The following RASAL2 variants were observed in gnomAD, a reference collection of about 807,000 sequenced individuals.
RASAL2 encodes the protein RAS protein activator like 2.
RASAL2 carries 58 observed loss-of-function variants against 128.9 expected under a neutral mutation model. The observed-to-expected ratio is 0.45, with a 90% CI of 0.36 to 0.56. RASAL2 has a LOEUF of 0.56. RASAL2 is among the 20% of genes least tolerant of loss of function. RASAL2 has a pLI of 0.00. For missense variants in RASAL2, 1,360 were observed against 1,601.6 expected, an observed-to-expected ratio of 0.85 and a Z score of 2.57; for synonymous variants, 561 against 580.8, an observed-to-expected ratio of 0.97 and a Z score of 0.49.
intron 1 of RASAL2, among the ~76,000 whole-genome samples, chr1:178,120,542 G>A (rs967430105): frequency 6.6e-6 from 1 of 152,162 alleles, no homozygotes; most frequent in Non-Finnish European, 1.5e-5. Flanking sequence ...AGATGCGGCT[G>A]TACCATTGAT....
At chr1:178,321,183 C>T (rs1048182894) in intron 3 of RASAL2, among the ~76,000 whole-genome samples, 1 of 151,870 alleles carries the variant, frequency 6.6e-6, no homozygotes, top group Admixed American at 6.6e-5. Flanking sequence ...TCCCGGGTTC[C>T]ATCGATTCTC....
chr1:178,449,873 GT>G (rs1434971591), intron 9 of RASAL2, among the ~76,000 whole-genome samples: 3 of 152,014 alleles, frequency 2.0e-5, no homozygotes, highest in African/African-American at 7.2e-5. Context: ...TAATATTCAT[GT>G]TTTTTATTAA....
intron 1 of RASAL2, among the ~76,000 whole-genome samples, chr1:178,129,777 G>A (rs908133270): frequency 4.6e-5 from 7 of 151,978 alleles, no homozygotes; most frequent in African/African-American, 9.7e-5. Context: ...GAGCCCATAA[G>A]ATTATTTTTT....
At chr1:178,286,739 GT>G in intron 2 of RASAL2, among the ~76,000 whole-genome samples, 1 of 152,160 alleles carries the variant, frequency 6.6e-6, no homozygotes, top group South Asian at 2.1e-4. Context: ...CTTCCTCGTC[GT>G]TTTTTGTTGA....
At chr1:178,223,803 A>G (rs1475103049) in intron 1 of RASAL2, among the ~76,000 whole-genome samples, 1 of 152,142 alleles carries the variant, frequency 6.6e-6, no homozygotes, top group Admixed American at 6.6e-5. Context: ...AATACTCAGG[A>G]GGGGAAATGA....
At chr1:178,282,269 G>A (rs895137557) in intron 1 of RASAL2, among the ~76,000 whole-genome samples, 1 of 152,124 alleles carries the variant, frequency 6.6e-6, no homozygotes, top group African/African-American at 2.4e-5. Context: ...ATGCAGCGCA[G>A]TTTAGATAGC....
intron 1 of RASAL2, among the ~76,000 whole-genome samples, chr1:178,199,382 C>T (rs1288270785): frequency 3.3e-5 from 5 of 152,154 alleles, no homozygotes; most frequent in South Asian, 4.1e-4. Context: ...CTGTCTTCTA[C>T]GTTGATCATG....
At chr1:178,424,388 A>G (rs894117997) in intron 5 of RASAL2, among the ~76,000 whole-genome samples, 2 of 152,062 alleles carry the variant, frequency 1.3e-5, no homozygotes, top group Non-Finnish European at 2.9e-5. Context: ...GATTGCAGAC[A>G]TAAGCCACTG....
chr1:178,379,745 A>G (rs1672180368), intron 3 of RASAL2, among the ~76,000 whole-genome samples: 1 of 152,186 alleles, frequency 6.6e-6, no homozygotes, highest in Non-Finnish European at 1.5e-5. Context: ...TAGAACAGAA[A>G]AAGTGTAGAA....
chr1:178,199,326 C>T (rs575165625), intron 1 of RASAL2, among the ~76,000 whole-genome samples: 2 of 152,176 alleles, frequency 1.3e-5, no homozygotes, highest in Non-Finnish European at 2.9e-5. Context: ...TCTGACCAGT[C>T]CCAATGAGAT....
intron 1 of RASAL2, among the ~76,000 whole-genome samples, chr1:178,267,464 T>A (rs1300961561): frequency 6.6e-6 from 1 of 151,834 alleles, no homozygotes; most frequent in Non-Finnish European, 1.5e-5. Flanking sequence ...ATATCATTAT[T>A]ATTTTTCCTT....
intron 5 of RASAL2, among the ~76,000 whole-genome samples, chr1:178,435,359 A>T (rs80015874): frequency 4.5e-4 from 69 of 152,232 alleles, no homozygotes; most frequent in African/African-American, 1.6e-3. Context: ...TTAAAATTGC[A>T]CTAATCAGTG....
intron 1 of RASAL2, among the ~76,000 whole-genome samples, chr1:178,207,916 G>T (rs796081657): frequency 7.2e-5 from 11 of 152,252 alleles, no homozygotes; most frequent in African/African-American, 2.6e-4. Context: ...GGAGGTCAGG[G>T]ACCCCAAACG....
At chr1:178,165,111 A>T (rs1386079878) in intron 1 of RASAL2, among the ~76,000 whole-genome samples, 1 of 151,982 alleles carries the variant, frequency 6.6e-6, no homozygotes, top group Admixed American at 6.6e-5. Context: ...TCTTGAGCGC[A>T]TGGATTTTAT....
chr1:178,245,509 C>G (rs1664729981), intron 1 of RASAL2, among the ~76,000 whole-genome samples: 2 of 152,020 alleles, frequency 1.3e-5, no homozygotes, highest in African/African-American at 4.8e-5. Flanking sequence ...AAAATTTTCT[C>G]CCGTTCTGTA....
intron 9 of RASAL2, among the ~76,000 whole-genome samples, chr1:178,449,498 A>AT (rs577441339): frequency 1.1e-3 from 163 of 152,286 alleles, no homozygotes; most frequent in African/African-American, 3.7e-3. Flanking sequence ...AAAATACATC[A>AT]TAGAACATTC....
chr1:178,404,206 A>G (rs188258848), intron 4 of RASAL2, among the ~76,000 whole-genome samples: 1 of 149,856 alleles, frequency 6.7e-6, no homozygotes, highest in Admixed American at 6.6e-5. Flanking sequence ...AGCTGAGGCT[A>G]CAGTGCGAGA....
chr1:178,458,912 A>T (rs1677978960), intron 14 of RASAL2, among the ~76,000 whole-genome samples: 1 of 152,156 alleles, frequency 6.6e-6, no homozygotes. Context: ...AATCCTTCTT[A>T]ATTTTTTTTC....
At chr1:178,101,845 T>C (rs1032496025) in intron 1 of RASAL2, among the ~76,000 whole-genome samples, 4 of 152,136 alleles carry the variant, frequency 2.6e-5, no homozygotes, top group East Asian at 1.9e-4. Context: ...AAGCTGAAGG[T>C]CAGGAAAACT....
Sources: gnomAD v4.1 joint callset for allele counts (sites outside exome capture counted in the v4.1 genomes callset) on GRCh38, gnomAD v4.1.1 for gene constraint, MANE v1.5 for transcripts, NCBI Gene and HGNC (gene_info 2026-07-23, HGNC 2026-07-21) for gene names.